CRYL1: variants seen among roughly 807,000 people sequenced by gnomAD.
CRYL1 encodes the protein lambda-crystallin homolog.
A neutral mutation model predicts 36.6 loss-of-function variants in CRYL1; 29 were observed. That is an observed-to-expected ratio of 0.79 (90% confidence interval 0.59 to 1.08). CRYL1 has a LOEUF of 1.08. Among genes scored for constraint, CRYL1 ranks in the 50% least tolerant of loss-of-function variants. The pLI is 0.00. For synonymous variants in CRYL1, 152 were observed against 151.5 expected (o/e 1.00, Z -0.02); for missense variants, 411 against 407.9 (o/e 1.01, Z -0.06).
At chr13:20,500,918 A>G (rs9578293) in intron 2 of CRYL1, among the ~76,000 whole-genome samples, 57,290 of 151,644 alleles carry the variant, frequency 0.38, 11,214 homozygotes, top group East Asian at 0.49. Flanking sequence ...AGGCATCTCA[A>G]AAAAAAAAGT....
chr13:20,404,552 C>A, intron 7 of CRYL1, 83 bp downstream of exon 7: 1 of 856,824 alleles, frequency 1.2e-6, no homozygotes, highest in South Asian at 1.5e-5. Flanking sequence ...GAGGCAGGCC[C>A]ACCCGCTGCA....
intron 2 of CRYL1, among the ~76,000 whole-genome samples, chr13:20,500,722 C>G (rs181173677): frequency 1.1e-3 from 162 of 152,282 alleles, no homozygotes; most frequent in African/African-American, 3.8e-3. Flanking sequence ...GCCCACAATG[C>G]CTCTCCTCAG....
chr13:20,443,656 G>A (rs1417951442), intron 3 of CRYL1, among the ~76,000 whole-genome samples: 1 of 152,062 alleles, frequency 6.6e-6, no homozygotes, highest in Admixed American at 6.6e-5. Flanking sequence ...GCCTCCCAAA[G>A]TGCTGGGATT....
At chr13:20,501,764 T>G (rs1565985432) in intron 2 of CRYL1, among the ~76,000 whole-genome samples, 1 of 152,232 alleles carries the variant, frequency 6.6e-6, no homozygotes, top group East Asian at 1.9e-4. Flanking sequence ...TTGTGCTGTC[T>G]GCTTTGACGT....
At chr13:20,430,104 C>T in intron 5 of CRYL1, 1 of 695,834 alleles carries the variant, frequency 1.4e-6, no homozygotes, top group Non-Finnish European at 1.8e-6. Context: ...CCTGGTAGTG[C>T]CATTCCCACC....
intron 3 of CRYL1, among the ~76,000 whole-genome samples, chr13:20,471,842 T>C (rs959143337): frequency 6.6e-6 from 1 of 151,866 alleles, no homozygotes; most frequent in Non-Finnish European, 1.5e-5. Flanking sequence ...TTTTTCTCTC[T>C]CTCTCTTCCT....
intron 3 of CRYL1, among the ~76,000 whole-genome samples, chr13:20,475,176 TCCG>T (rs990970659): frequency 4.6e-5 from 7 of 152,028 alleles, no homozygotes; most frequent in Non-Finnish European, 1.0e-4. Flanking sequence ...GAGGGAGCCA[TCCG>T]CCACCTCAGG....
At chr13:20,406,815 C>G (rs2031389573) in intron 6 of CRYL1, among the ~76,000 whole-genome samples, 1 of 151,768 alleles carries the variant, frequency 6.6e-6, no homozygotes. Flanking sequence ...TGCATATCCC[C>G]CCACTTGCAG....
chr13:20,423,371 T>C (rs1157950863), intron 5 of CRYL1, among the ~76,000 whole-genome samples: 2 of 152,224 alleles, frequency 1.3e-5, no homozygotes, highest in African/African-American at 4.8e-5. Flanking sequence ...CCTTCAACTT[T>C]TCACCATTGA....
At chr13:20,472,724 A>C (rs2033086150) in intron 3 of CRYL1, among the ~76,000 whole-genome samples, 1 of 152,198 alleles carries the variant, frequency 6.6e-6, no homozygotes, top group African/African-American at 2.4e-5. Context: ...CAGGCCTGTC[A>C]CTGGAAGAAG....
intron 1 of CRYL1, among the ~76,000 whole-genome samples, chr13:20,521,301 A>G (rs2034094332): frequency 6.6e-6 from 1 of 152,164 alleles, no homozygotes; most frequent in South Asian, 2.1e-4. Context: ...ACAGGGAAGG[A>G]AAGAAAAGTG....
intron 5 of CRYL1, among the ~76,000 whole-genome samples, chr13:20,419,973 G>T (rs1236010061): frequency 6.6e-6 from 1 of 152,230 alleles, no homozygotes; most frequent in Non-Finnish European, 1.5e-5. Flanking sequence ...ACTTTAATAA[G>T]TCGAAAATAA....
chr13:20,449,888 G>A (rs1267256361), intron 3 of CRYL1, among the ~76,000 whole-genome samples: 1 of 152,098 alleles, frequency 6.6e-6, no homozygotes, highest in Non-Finnish European at 1.5e-5. Context: ...TCTAACCAAG[G>A]AGGTGAAAGA....
At chr13:20,496,747 A>C (rs995808696) in intron 2 of CRYL1, among the ~76,000 whole-genome samples, 2 of 149,886 alleles carry the variant, frequency 1.3e-5, no homozygotes, top group African/African-American at 4.9e-5. Context: ...AAAAAGGCTG[A>C]GGTAGGAGGA....
chr13:20,440,322 C>T (rs777310245), intron 3 of CRYL1, among the ~76,000 whole-genome samples: 4 of 152,146 alleles, frequency 2.6e-5, no homozygotes, highest in African/African-American at 9.7e-5. Flanking sequence ...TGTTATAGGG[C>T]CCTCAGCCAT....
At chr13:20,508,264 T>C (rs1849279741) in intron 2 of CRYL1, among the ~76,000 whole-genome samples, 2 of 152,124 alleles carry the variant, frequency 1.3e-5, no homozygotes, top group South Asian at 4.1e-4. Flanking sequence ...CCAGGCCTCC[T>C]GAAAAGCCAG....
intron 2 of CRYL1, among the ~76,000 whole-genome samples, chr13:20,510,527 G>A (rs1407762571): frequency 6.6e-6 from 1 of 152,000 alleles, no homozygotes; most frequent in Non-Finnish European, 1.5e-5. Context: ...GAGAGCAGTG[G>A]GATTATTCTG....
At chr13:20,412,751 G>A (rs2031556382) in intron 6 of CRYL1, among the ~76,000 whole-genome samples, 1 of 152,156 alleles carries the variant, frequency 6.6e-6, no homozygotes. Flanking sequence ...TCTGGAGGCA[G>A]CGTCTGGCCA....
chr13:20,510,095 G>C (rs1396428402), intron 2 of CRYL1, among the ~76,000 whole-genome samples: 1 of 152,162 alleles, frequency 6.6e-6, no homozygotes, highest in Non-Finnish European at 1.5e-5. Flanking sequence ...TTGGAAGGCA[G>C]TTTTGCAATT....
Sources: gnomAD v4.1 joint callset for allele counts (sites outside exome capture counted in the v4.1 genomes callset) on GRCh38, gnomAD v4.1.1 for gene constraint, MANE v1.5 for transcripts, NCBI Gene and HGNC (gene_info 2026-07-23, HGNC 2026-07-21) for gene names.